FRMPD4: variants seen among roughly 807,000 people sequenced by gnomAD.
FRMPD4 encodes FERM and PDZ domain containing 4, also known as FERM and PDZ domain-containing protein 4.
FRMPD4 carries 22 observed loss-of-function variants against 94.1 expected under a neutral mutation model. That is an observed-to-expected ratio of 0.23 (90% confidence interval 0.17 to 0.33). FRMPD4 has a LOEUF of 0.33. FRMPD4 is among the 10% of genes least tolerant of loss of function. The probability of loss-of-function intolerance (pLI) is 1.00; values close to 1 mark genes in which losing one functional copy is unlikely to be tolerated. For synonymous variants in FRMPD4, 631 were observed against 548.6 expected (o/e 1.15, Z -2.10); for missense variants, 1,111 against 1,339.9 (o/e 0.83, Z 2.67).
At chrX:12,365,422 C>T (rs1449252333) in intron 1 of FRMPD4, among the ~76,000 whole-genome samples, 1 of 111,385 alleles carries the variant, frequency 9.0e-6, no homozygotes, top group Non-Finnish European at 1.9e-5. Context: ...CTATCAGTGC[C>T]TTTCTTGATT....
At chrX:11,977,761 A>C (rs1049760803) in intron 3 of FRMPD4, among the ~76,000 whole-genome samples, 3 of 111,735 alleles carry the variant, frequency 2.7e-5, no homozygotes, top group African/African-American at 9.8e-5. Context: ...GGTAGATTTA[A>C]AACTTTTTTG....
At chrX:12,150,253 A>C (rs1208084402) in intron 1 of FRMPD4, among the ~76,000 whole-genome samples, 1 of 112,188 alleles carries the variant, frequency 8.9e-6, no homozygotes, top group East Asian at 2.8e-4. Context: ...CATGATGTCC[A>C]ATACTGATTA....
At chrX:11,912,886 T>A (rs189796095) in intron 3 of FRMPD4, among the ~76,000 whole-genome samples, 2 of 111,152 alleles carry the variant, frequency 1.8e-5, no homozygotes, top group Admixed American at 1.9e-4. Flanking sequence ...GCCCCATGCA[T>A]GGGATTGGGT....
At chrX:12,211,351 A>C (rs1217579535) in intron 1 of FRMPD4, among the ~76,000 whole-genome samples, 1 of 109,559 alleles carries the variant, frequency 9.1e-6, no homozygotes, top group Non-Finnish European at 1.9e-5. Flanking sequence ...CCTCCTTTTT[A>C]CTCCTCTTGG....
intron 2 of FRMPD4, among the ~76,000 whole-genome samples, chrX:12,535,302 C>T (rs1409634675): frequency 3.6e-5 from 4 of 111,615 alleles, no homozygotes; most frequent in Non-Finnish European, 7.5e-5. Flanking sequence ...TTGTAAATTG[C>T]CCAGTCTCTG....
Position 12,295,410 on chromosome X carries a change from G to A in FRMPD4, c.41+156398G>A, listed in dbSNP as rs144005651. Among the ~76,000 whole-genome samples the A allele has an allele frequency of 4.3e-3, 482 of 112,465 alleles. 3 individuals are homozygous for A. The highest frequency in any genetic ancestry group is 0.015 in the African/African-American group (453 of 31,001). On this transcript the variant is annotated intron_variant, in intron 1 of 16. Transcript: ENST00000675598. ...TGCAAGTGTATGCATGGACTCTGCT[G>A]TGGTCTGCCTTCTAGAAAGAGCTGT...
At chrX:12,294,467 T>TACACAC (rs766103055) in intron 1 of FRMPD4, among the ~76,000 whole-genome samples, 2 of 87,273 alleles carry the variant, frequency 2.3e-5, no homozygotes, top group African/African-American at 4.3e-5. Context: ...CTCATAACTG[T>TACACAC]ACACACACAC....
At chrX:12,299,093 G>A (rs4830770) in intron 1 of FRMPD4, among the ~76,000 whole-genome samples, 38,702 of 111,030 alleles carry the variant, frequency 0.35, 6,534 homozygotes, top group African/African-American at 0.64. Context: ...GACTCATAAC[G>A]TATTTGTCTT....
intron 1 of FRMPD4, among the ~76,000 whole-genome samples, chrX:12,405,081 A>T (rs1281934920): frequency 8.9e-6 from 1 of 111,778 alleles, no homozygotes; most frequent in African/African-American, 3.3e-5. Context: ...CAATTAAATC[A>T]TAATGTCTGG....
At chrX:12,167,597 G>A (rs1014416306) in intron 1 of FRMPD4, among the ~76,000 whole-genome samples, 21 of 111,470 alleles carry the variant, frequency 1.9e-4, no homozygotes, top group African/African-American at 6.9e-4. Flanking sequence ...GGCTTTTAAT[G>A]ACTTCTTATG....
chrX:12,486,088 G>A, intron 1 of FRMPD4, among the ~76,000 whole-genome samples: 1 of 111,104 alleles, frequency 9.0e-6, no homozygotes, highest in Middle Eastern at 4.6e-3. Flanking sequence ...CTTCCATCTT[G>A]GCAAATCCCT....
intron 3 of FRMPD4, among the ~76,000 whole-genome samples, chrX:12,075,439 A>C (rs2055005683): frequency 8.9e-6 from 1 of 112,350 alleles, no homozygotes; most frequent in Non-Finnish European, 1.9e-5. Context: ...GATGATGAGA[A>C]GAAAAGACTG....
At chrX:12,582,927 C>A (rs1023038006) in intron 2 of FRMPD4, among the ~76,000 whole-genome samples, 9 of 112,020 alleles carry the variant, frequency 8.0e-5, no homozygotes, top group Non-Finnish European at 1.5e-4. Flanking sequence ...TTACTACTTC[C>A]CGGTTGCAAA....
intron 2 of FRMPD4, among the ~76,000 whole-genome samples, chrX:12,581,593 C>A (rs2058866116): frequency 8.9e-6 from 1 of 112,137 alleles, no homozygotes; most frequent in African/African-American, 3.2e-5. Flanking sequence ...CAAATAAATT[C>A]TACCAGAGTG....
intron 1 of FRMPD4, among the ~76,000 whole-genome samples, chrX:12,205,091 T>TAA (rs11334075): frequency 2.1e-4 from 16 of 76,462 alleles, no homozygotes; most frequent in Admixed American, 8.7e-4. Context: ...AATCAAATGC[T>TAA]AAAAAAAAAA....
At chrX:12,702,375 G>A (rs770008235) in intron 10 of FRMPD4, among the ~76,000 whole-genome samples, 2 of 111,873 alleles carry the variant, frequency 1.8e-5, no homozygotes, top group African/African-American at 6.5e-5. Flanking sequence ...CGAGCAAACC[G>A]AGTCATAGAA....
chrX:12,604,587 C>G (rs1290467398), intron 2 of FRMPD4, among the ~76,000 whole-genome samples: 4 of 112,242 alleles, frequency 3.6e-5, no homozygotes, highest in Non-Finnish European at 7.5e-5. Context: ...TTAAGACTGA[C>G]TGAGTTCATA....
chrX:12,037,392 C>A (rs1288614733), intron 3 of FRMPD4, among the ~76,000 whole-genome samples: 2 of 111,166 alleles, frequency 1.8e-5, no homozygotes, highest in Admixed American at 9.6e-5. Flanking sequence ...GTTTCTCCTG[C>A]TCCTTTATAC....
At chrX:12,587,816 G>A (rs1192473572) in intron 2 of FRMPD4, among the ~76,000 whole-genome samples, 1 of 111,457 alleles carries the variant, frequency 9.0e-6, no homozygotes, top group African/African-American at 3.3e-5. Flanking sequence ...GGTATATACA[G>A]TACCTAGGAG....
Sources: gnomAD v4.1 joint callset for allele counts (sites outside exome capture counted in the v4.1 genomes callset) on GRCh38, gnomAD v4.1.1 for gene constraint, MANE v1.5 for transcripts, NCBI Gene and HGNC (gene_info 2026-07-23, HGNC 2026-07-21) for gene names.